Variants in ZNF560 observed in about 807,000 individuals in gnomAD.
ZNF560 encodes the protein zinc finger protein 560.
ZNF560 carries 54 observed loss-of-function variants against 81.8 expected under a neutral mutation model. That is an observed-to-expected ratio of 0.66 (90% CI 0.53 to 0.83). The LOEUF is 0.83. ZNF560 is among the 40% of genes least tolerant of loss of function. The pLI is 0.00. For missense variants in ZNF560, 940 were observed against 932.4 expected (o/e 1.01, Z -0.11); for synonymous variants, 321 against 317.9 (o/e 1.01, Z -0.10).
downstream of ZNF560, among the ~76,000 whole-genome samples, chr19:9,462,359 GATA>G (rs1207880869): frequency 6.6e-6 from 1 of 152,198 alleles, no homozygotes; most frequent in African/African-American, 2.4e-5. Context: ...TCCTGCTGCA[GATA>G]ACAAGCCAGA....
chr19:9,501,117 A>G (rs1599690832), upstream of ZNF560, among the ~76,000 whole-genome samples: 1 of 144,618 alleles, frequency 6.9e-6, no homozygotes, highest in Admixed American at 6.9e-5. Context: ...TTTTGCATCT[A>G]TATTCATGAA....
the ZNF560 span, among the ~76,000 whole-genome samples, chr19:9,454,553 G>A: frequency 6.6e-6 from 1 of 152,156 alleles, no homozygotes; most frequent in Non-Finnish European, 1.5e-5. Flanking sequence ...ATGGGACAAG[G>A]GTCAAGCAGG....
chr19:9,501,416 T>G (rs2073632455), upstream of ZNF560, among the ~76,000 whole-genome samples: 1 of 149,582 alleles, frequency 6.7e-6, no homozygotes, highest in African/African-American at 2.5e-5. Flanking sequence ...TGGATTGCAG[T>G]GGTGTGATCT....
chr19:9,493,744 AT>A (rs2073509472), intron 2 of ZNF560, among the ~76,000 whole-genome samples: 1 of 152,096 alleles, frequency 6.6e-6, no homozygotes, highest in African/African-American at 2.4e-5. Context: ...TCTCTTTTCT[AT>A]TTCTATTTTG....
At chr19:9,483,571 G>A (rs1389917172) in intron 2 of ZNF560, among the ~76,000 whole-genome samples, 2 of 148,016 alleles carry the variant, frequency 1.4e-5, no homozygotes, top group African/African-American at 2.5e-5. Context: ...CGCCCCGTCC[G>A]GGAGGGGGGT....
chr19:9,464,421 C>CACT (rs1164546743), downstream of ZNF560, among the ~76,000 whole-genome samples: 1 of 152,200 alleles, frequency 6.6e-6, no homozygotes, highest in Non-Finnish European at 1.5e-5. Context: ...GTTCCCACCT[C>CACT]TCCAGGTGAA....
At chr19:9,476,485 G>T (rs2144699520) in intron 2 of ZNF560, among the ~76,000 whole-genome samples, 1 of 152,174 alleles carries the variant, frequency 6.6e-6, no homozygotes, top group Non-Finnish European at 1.5e-5. Flanking sequence ...TAGAGACAGG[G>T]TTCCACCAGT....
chr19:9,446,772 GTA>G, the ZNF560 span, among the ~76,000 whole-genome samples: 6 of 152,180 alleles, frequency 3.9e-5, no homozygotes, highest in Non-Finnish European at 7.4e-5. Flanking sequence ...TTTACTTATA[GTA>G]TAGAGATATC....
Position 9,469,518 on chromosome 19 carries a change from C to T in ZNF560, c.529+112G>A, listed in dbSNP as rs2073089024. On this transcript the variant is annotated intron_variant, in intron 8 of 9. Transcript: ENST00000301480. ...AAAAGTTAAGATATCCCAAAACATC[C>T]AAGTCCAGTGGACAGCCTTCTGATT... The T allele has an allele frequency of 2.1e-6, 2 of 935,124 alleles. 1 individual carries two copies. 57.9% of individuals were successfully genotyped at this position (935,124 alleles called of 1,614,324 possible).
chr19:9,478,865 A>C lies in ZNF560; in HGVS notation c.-56-3496T>G, dbSNP rs78676264. Reference sequence around the variant, plus strand: ...GAAGAAACAAAGAATATAAAAAAAAACCCCACAAAACTTAACGAGCCAGGT... The same window carrying C: ...GAAGAAACAAAGAATATAAAAAAAACCCCCACAAAACTTAACGAGCCAGGT... On this transcript the variant is annotated intron_variant, in intron 2 of 9. Coordinates refer to ENST00000301480, the MANE Select transcript of ZNF560 (RefSeq NM_152476.3). Among the ~76,000 whole-genome samples, 219 of 152,030 alleles carry C rather than the reference A, an allele frequency of 1.4e-3. 3 individuals are homozygous for C. The highest frequency in any genetic ancestry group is 0.014 in the Middle Eastern group (4 of 294).
rs982700681 is a variant in ZNF560, at chr19:9,478,578, T to C, written c.-56-3209A>G. 5.9e-5 allele frequency among the ~76,000 whole-genome samples: 9 copies of C among 152,180 alleles called. No individual in the cohort carries two copies. In the East Asian group the frequency reaches 1.7e-3, roughly 29 times the overall value. ...TAAGAGATAAAAGTATTAGGAACAG[T>C]AAGAGCTAAAATAATTAAGGGATAT... is the stretch of plus-strand genomic sequence containing the variant. On this transcript the variant is annotated intron_variant, in intron 2 of 9. Coordinates refer to ENST00000301480, the MANE Select transcript of ZNF560 (RefSeq NM_152476.3).
downstream of ZNF560, among the ~76,000 whole-genome samples, chr19:9,465,163 G>A (rs11669979): frequency 0.45 from 62,563 of 140,398 alleles, 15,276 homozygotes; most frequent in Non-Finnish European, 0.55. Flanking sequence ...ATGGAGTCTC[G>A]CTCAGTCGCC....
chr19:9,497,270 C>T lies in ZNF560; in HGVS notation c.-57+858G>A, dbSNP rs964936106. Among the ~76,000 whole-genome samples, 3 of 152,064 alleles carry T rather than the reference C, an allele frequency of 2.0e-5. No individual in the cohort carries two copies. In the South Asian group the frequency reaches 6.2e-4, roughly 32 times the overall value. On this transcript the variant is annotated intron_variant, in intron 2 of 9. Coordinates refer to ENST00000301480, the MANE Select transcript of ZNF560 (RefSeq NM_152476.3). ...AATTTTCTTGATGCAAATAGTATTA[C>T]GGTTTTAGTAAAACAACACTCTTAT... is the stretch of plus-strand genomic sequence containing the variant.
At chr19:9,502,409 A>G (rs574212559), upstream of ZNF560, among the ~76,000 whole-genome samples, 9 of 152,050 alleles carry the variant, frequency 5.9e-5, no homozygotes, top group African/African-American at 2.2e-4. Context: ...ATGGGGTTTC[A>G]CCATGTTGGC....
chr19:9,490,140 G>A (rs1330746913), intron 2 of ZNF560, among the ~76,000 whole-genome samples: 3 of 152,180 alleles, frequency 2.0e-5, no homozygotes, highest in Non-Finnish European at 4.4e-5. Context: ...GATCTGCACA[G>A]CTTCCCTTCT....
At chr19:9,492,457 T>C (rs2073488403) in intron 2 of ZNF560, among the ~76,000 whole-genome samples, 1 of 152,232 alleles carries the variant, frequency 6.6e-6, no homozygotes, top group Non-Finnish European at 1.5e-5. Context: ...CTTTTGCCTA[T>C]ACAATGCATA....
At chr19:9,479,126 G>A (rs1476182387) in intron 2 of ZNF560, among the ~76,000 whole-genome samples, 1 of 151,562 alleles carries the variant, frequency 6.6e-6, no homozygotes, top group Non-Finnish European at 1.5e-5. Flanking sequence ...GATGAAGATT[G>A]CAGTGAGCCA....
At chr19:9,488,026 G>A (rs1369508414) in intron 2 of ZNF560, among the ~76,000 whole-genome samples, 1 of 152,134 alleles carries the variant, frequency 6.6e-6, no homozygotes, top group Non-Finnish European at 1.5e-5. Context: ...AGCACTGGAA[G>A]GAGGGGCCTA....
At chr19:9,471,775 A>T (rs910523911) in intron 5 of ZNF560, among the ~76,000 whole-genome samples, 1 of 152,270 alleles carries the variant, frequency 6.6e-6, no homozygotes, top group Non-Finnish European at 1.5e-5. Context: ...AACTTCTGAG[A>T]TAAATGGCCT....
Sources: gnomAD v4.1 joint callset for allele counts (sites outside exome capture counted in the v4.1 genomes callset) on GRCh38, gnomAD v4.1.1 for gene constraint, MANE v1.5 for transcripts, NCBI Gene and HGNC (gene_info 2026-07-23, HGNC 2026-07-21) for gene names.